AKAP6: variants seen among roughly 807,000 people sequenced by gnomAD.
AKAP6 encodes A-kinase anchoring protein 6.
A neutral mutation model predicts 188.5 loss-of-function variants in AKAP6; 58 were observed. The observed-to-expected ratio is 0.31, with a 90% CI of 0.25 to 0.38. The LOEUF (loss-of-function observed/expected upper bound fraction) is 0.38. Ranked by LOEUF, AKAP6 falls within the 10% of genes least tolerant of loss-of-function variation. The probability of loss-of-function intolerance (pLI) is 1.00; values close to 1 mark genes in which losing one functional copy is unlikely to be tolerated. For synonymous variants in AKAP6, 989 were observed against 998.6 expected (o/e 0.99, Z 0.18); for missense variants, 2,710 against 2,740.0 (o/e 0.99, Z 0.24).
rs551533728 is a variant in AKAP6, at chr14:32,408,500, T to C, written c.-34-24960T>C. On this transcript the variant is annotated intron_variant, in intron 1 of 13. Transcript: ENST00000280979. ...GATGGTTTTAATTACTGGGAGCTTA[T>C]ATATAATTATACAATTTATAATATA... Among the ~76,000 whole-genome samples, 13 of 147,924 alleles carry C rather than the reference T, an allele frequency of 8.8e-5. No individual in the cohort carries two copies. In the South Asian group the frequency reaches 2.7e-3, roughly 31 times the overall value.
chr14:32,503,862 A>AT lies in AKAP6; in HGVS notation c.325-31685dup, dbSNP rs530686832. 5.3e-5 allele frequency among the ~76,000 whole-genome samples: 8 copies of AT among 151,828 alleles called. No individual in the cohort carries two copies. The South Asian group carries it at 1.7e-3, about 32-fold the overall frequency. On this transcript the variant is annotated intron_variant, in intron 2 of 13. Coordinates refer to ENST00000280979, the MANE Select transcript of AKAP6 (RefSeq NM_004274.5). ...TTTTGTCTGACTATTCCTATTGTCC[A>AT]TTTTTTTGTTAGAATCCAACTCTTT...
At chr14:32,598,557 A>C (rs745344311) in intron 5 of AKAP6, among the ~76,000 whole-genome samples, 1 of 152,188 alleles carries the variant, frequency 6.6e-6, no homozygotes. Context: ...TGTATGTGAC[A>C]TGAATTGGAG....
chr14:32,558,673 G>T (rs1883797368), intron 4 of AKAP6, among the ~76,000 whole-genome samples: 1 of 152,176 alleles, frequency 6.6e-6, no homozygotes, highest in Admixed American at 6.5e-5. Context: ...CAATAAGATA[G>T]AAGTCTCTTT....
chr14:32,821,122 G>C (rs1172930998), intron 12 of AKAP6, among the ~76,000 whole-genome samples: 1 of 152,096 alleles, frequency 6.6e-6, no homozygotes, highest in Non-Finnish European at 1.5e-5. Flanking sequence ...TGAATCAATA[G>C]GAAATGGCTA....
At chr14:32,438,312 C>A (rs538246239) in intron 2 of AKAP6, among the ~76,000 whole-genome samples, 11 of 152,252 alleles carry the variant, frequency 7.2e-5, no homozygotes, top group Admixed American at 7.2e-4. Flanking sequence ...TCTCACATCC[C>A]CCTTTTTGTT....
chr14:32,580,820 G>A (rs1487482015), intron 5 of AKAP6, among the ~76,000 whole-genome samples: 1 of 151,444 alleles, frequency 6.6e-6, no homozygotes, highest in East Asian at 2.0e-4. Flanking sequence ...TTTTGTCCTT[G>A]CGATAGTTTA....
chr14:32,596,850 C>T (rs1051848763), intron 5 of AKAP6, among the ~76,000 whole-genome samples: 4 of 152,102 alleles, frequency 2.6e-5, no homozygotes, highest in Non-Finnish European at 4.4e-5. Flanking sequence ...GACAAAATGG[C>T]GAGAGCTTAT....
chr14:32,445,383 CT>C (rs1203680371), intron 2 of AKAP6, among the ~76,000 whole-genome samples: 1 of 151,724 alleles, frequency 6.6e-6, no homozygotes, highest in Non-Finnish European at 1.5e-5. Flanking sequence ...GTTCTTTTCT[CT>C]TTTTTTGAGA....
intron 9 of AKAP6, among the ~76,000 whole-genome samples, chr14:32,715,701 A>G (rs2030155362): frequency 1.3e-5 from 2 of 151,954 alleles, no homozygotes; most frequent in African/African-American, 2.4e-5. Flanking sequence ...AAACTGGAGA[A>G]GAGGAAAATC....
chr14:32,555,619 C>T (rs1566573561), intron 4 of AKAP6, among the ~76,000 whole-genome samples: 2 of 152,156 alleles, frequency 1.3e-5, no homozygotes, highest in South Asian at 2.1e-4. Flanking sequence ...CTGCTGTCCT[C>T]GGGTAACCAA....
intron 12 of AKAP6, among the ~76,000 whole-genome samples, chr14:32,785,623 TACTTG>T (rs2033376707): frequency 6.6e-6 from 1 of 152,206 alleles, no homozygotes; most frequent in Admixed American, 6.5e-5. Context: ...GTTGGGGAAG[TACTTG>T]CAAAGTGTTG....
chr14:32,473,942 G>A (rs1294987623), intron 2 of AKAP6: 1 of 152,560 alleles, frequency 6.6e-6, no homozygotes, highest in East Asian at 1.9e-4. Flanking sequence ...CTGTCACCCA[G>A]GCTGGAGTGC....
intron 9 of AKAP6, among the ~76,000 whole-genome samples, chr14:32,722,779 C>T (rs2030615607): frequency 6.6e-6 from 1 of 152,278 alleles, no homozygotes. Flanking sequence ...GTAAAATCTT[C>T]CACATACATC....
At position 32,831,952 on chromosome 14, in the gene AKAP6, G is replaced by A. The variant is rs2034825051; in HGVS notation, c.*2147G>A. 1 of 152,162 alleles carries A rather than the reference G, an allele frequency of 6.6e-6. No individual in the cohort carries two copies. The allele number at this position is 152,162 out of a possible 1,614,324, so 9.4% of individuals were successfully genotyped here. A position where few individuals can be genotyped will look rare whatever the true frequency, so the allele number is the denominator to read the frequency against. ...TTATTTATCATTAGTGCCACGCCAA[G>A]ATCATTTAGACGATGCTTATCTGTA... On this transcript the variant is annotated 3_prime_UTR_variant, in exon 14 of 14. Transcript: ENST00000280979.
chr14:32,499,981 C>T (rs1480003898), intron 2 of AKAP6, among the ~76,000 whole-genome samples: 2 of 151,872 alleles, frequency 1.3e-5, no homozygotes, highest in African/African-American at 2.4e-5. Flanking sequence ...TTTGTATGTA[C>T]CAAAACAATA....
At chr14:32,683,557 G>A (rs1159834755) in intron 8 of AKAP6, among the ~76,000 whole-genome samples, 1 of 152,180 alleles carries the variant, frequency 6.6e-6, no homozygotes, top group Non-Finnish European at 1.5e-5. Context: ...TATTTATTTA[G>A]CACCTATTAA....
At position 32,791,324 on chromosome 14, in the gene AKAP6, A is replaced by T. The variant is rs576438736; in HGVS notation, c.3588+17431A>T. On this transcript the variant is annotated intron_variant, in intron 12 of 13. Coordinates refer to ENST00000280979, the MANE Select transcript of AKAP6 (RefSeq NM_004274.5). Reference sequence around the variant, plus strand: ...TGATCACCATTCTAACAGTCATGAGATGGTATCTCATTGTGGTTTTGATTT... The same window carrying T: ...TGATCACCATTCTAACAGTCATGAGTTGGTATCTCATTGTGGTTTTGATTT... Among the ~76,000 whole-genome samples the T allele has an allele frequency of 1.1e-4, 16 of 152,258 alleles. No individual in the cohort carries two copies. The South Asian group carries it at 2.9e-3, about 28-fold the overall frequency.
chr14:32,662,298 C>T (rs1294518130), intron 7 of AKAP6, among the ~76,000 whole-genome samples: 2 of 152,210 alleles, frequency 1.3e-5, no homozygotes, highest in East Asian at 3.9e-4. Context: ...ACACTTCTCT[C>T]TTAGGACTGA....
chr14:32,611,728 A>G (rs1485460363), intron 7 of AKAP6, among the ~76,000 whole-genome samples: 1 of 152,174 alleles, frequency 6.6e-6, no homozygotes, highest in Non-Finnish European at 1.5e-5. Context: ...GAATGGTATT[A>G]TAGCAGGTCA....
Sources: gnomAD v4.1 joint callset for allele counts (sites outside exome capture counted in the v4.1 genomes callset) on GRCh38, gnomAD v4.1.1 for gene constraint, MANE v1.5 for transcripts, NCBI Gene and HGNC (gene_info 2026-07-23, HGNC 2026-07-21) for gene names.